MTHFD2L: variants seen among roughly 807,000 people sequenced by gnomAD.
MTHFD2L encodes the protein methylenetetrahydrofolate dehydrogenase (NADP+ dependent) 2 like.
MTHFD2L carries 29 observed loss-of-function variants against 34.9 expected under a neutral mutation model. The observed-to-expected ratio is 0.83, with a 90% CI of 0.62 to 1.13. MTHFD2L has a LOEUF of 1.13. MTHFD2L is among the 50% of genes most tolerant of loss of function. MTHFD2L has a pLI of 0.00. For synonymous variants in MTHFD2L, 167 were observed against 155.7 expected, an observed-to-expected ratio of 1.07 and a Z score of -0.54; for missense variants, 481 against 446.5, an observed-to-expected ratio of 1.08 and a Z score of -0.70.
At chr4:74,121,520 T>C (rs1330186412), upstream of MTHFD2L, among the ~76,000 whole-genome samples, 2 of 150,152 alleles carry the variant, frequency 1.3e-5, no homozygotes, top group Non-Finnish European at 2.9e-5. Flanking sequence ...CACATGGGAC[T>C]ATCTAGTTGC....
At chr4:74,195,013 G>A (rs755152460) in intron 3 of MTHFD2L, 10 of 152,200 alleles carry the variant, frequency 6.6e-5, no homozygotes, top group Non-Finnish European at 1.5e-4. Context: ...TGAGAATGTG[G>A]TATTTAAGAA....
intron 6 of MTHFD2L, chr4:74,266,940 G>A: frequency 1.0e-6 from 1 of 985,320 alleles, no homozygotes. Flanking sequence ...CTTTCAGGAG[G>A]TACATCTTTA....
At chr4:74,163,859 C>T (rs867070557) in intron 1 of MTHFD2L, among the ~76,000 whole-genome samples, 3 of 151,932 alleles carry the variant, frequency 2.0e-5, no homozygotes, top group Non-Finnish European at 2.9e-5. Flanking sequence ...TAGGATTTTT[C>T]GTCTTTTTTT....
At position 74,185,898 on chromosome 4, in the gene MTHFD2L, C is replaced by G. The variant is rs117890496; in HGVS notation, c.451+10495C>G. ...TAACACATTTGAAGCCAGCATTACT[C>G]TGTTACTAAAAACCTTGCAAAGACA... On this transcript the variant is annotated intron_variant, in intron 3 of 7. Transcript: ENST00000325278. Among the ~76,000 whole-genome samples, 488 of 152,240 alleles carry G rather than the reference C, an allele frequency of 3.2e-3. 9 individuals are homozygous for G. Among genetic ancestry groups the G allele is most frequent in the East Asian group, 0.028 (147 of 5,188 alleles).
At chr4:74,145,906 C>T (rs1049120109) in intron 1 of MTHFD2L, among the ~76,000 whole-genome samples, 2 of 152,090 alleles carry the variant, frequency 1.3e-5, no homozygotes, top group Non-Finnish European at 2.9e-5. Flanking sequence ...TGAGGCCTCC[C>T]GAGAAGTCGA....
intron 6 of MTHFD2L, among the ~76,000 whole-genome samples, chr4:74,273,820 T>C (rs1746287883): frequency 6.6e-6 from 1 of 152,146 alleles, no homozygotes; most frequent in Non-Finnish European, 1.5e-5. Flanking sequence ...CATGGCCTGA[T>C]GGCTGGGCCT....
At chr4:74,276,438 G>A (rs1359508845) in intron 6 of MTHFD2L, among the ~76,000 whole-genome samples, 2 of 152,016 alleles carry the variant, frequency 1.3e-5, no homozygotes, top group African/African-American at 4.8e-5. Flanking sequence ...TAAAAATTAA[G>A]GATTGGTTCT....
At chr4:74,245,750 A>C (rs1666554697) in intron 6 of MTHFD2L, among the ~76,000 whole-genome samples, 1 of 151,950 alleles carries the variant, frequency 6.6e-6, no homozygotes, top group Non-Finnish European at 1.5e-5. Context: ...TCCTTGTGAT[A>C]GTTTACTGAG....
At chr4:74,185,257 A>G (rs940496203) in intron 3 of MTHFD2L, among the ~76,000 whole-genome samples, 3 of 151,876 alleles carry the variant, frequency 2.0e-5, no homozygotes, top group Non-Finnish European at 2.9e-5. Context: ...AAAATGAAAG[A>G]GAAATTTGAA....
At chr4:74,249,896 T>C (rs10017417) in intron 6 of MTHFD2L, among the ~76,000 whole-genome samples, 42,458 of 152,014 alleles carry the variant, frequency 0.28, 6,589 homozygotes, top group African/African-American at 0.42. Context: ...CGACCTTTCT[T>C]TCTGGCTGCC....
At chr4:74,117,914 T>C (rs1259649689) in intron 2 of MTHFD2L, among the ~76,000 whole-genome samples, 2 of 152,192 alleles carry the variant, frequency 1.3e-5, no homozygotes, top group Non-Finnish European at 2.9e-5. Context: ...TACTTATCGA[T>C]GATATAATAC....
chr4:74,136,287 T>C (rs531081350), intron 1 of MTHFD2L, among the ~76,000 whole-genome samples: 10 of 152,212 alleles, frequency 6.6e-5, no homozygotes, highest in Admixed American at 2.0e-4. Context: ...AGTTGTAGGA[T>C]ACAAAATCAA....
intron 1 of MTHFD2L, among the ~76,000 whole-genome samples, chr4:74,131,629 C>T (rs1434818665): frequency 6.6e-6 from 1 of 152,010 alleles, no homozygotes; most frequent in Non-Finnish European, 1.5e-5. Context: ...CTATAAATGC[C>T]CAAGAAGAAA....
intron 3 of MTHFD2L, among the ~76,000 whole-genome samples, chr4:74,182,205 T>G (rs1730319641): frequency 6.6e-6 from 1 of 152,222 alleles, no homozygotes; most frequent in Non-Finnish European, 1.5e-5. Flanking sequence ...GCAGTAAACA[T>G]TATAACCCTG....
At chr4:74,243,055 G>C (rs1741937536) in intron 6 of MTHFD2L, among the ~76,000 whole-genome samples, 1 of 152,198 alleles carries the variant, frequency 6.6e-6, no homozygotes, top group Non-Finnish European at 1.5e-5. Flanking sequence ...ATGAGAGAGA[G>C]AGGTGCAGGA....
intron 3 of MTHFD2L, among the ~76,000 whole-genome samples, chr4:74,185,477 A>G (rs1470257206): frequency 2.0e-5 from 3 of 152,136 alleles, no homozygotes; most frequent in South Asian, 2.1e-4. Flanking sequence ...ATAATAAAGA[A>G]CAGAGTAGAA....
In MTHFD2L at chr4:74,302,552, G is replaced by A. The variant is rs185531107; in HGVS notation, c.*743G>A. The A allele has an allele frequency of 3.3e-5, 5 of 152,144 alleles. No individual in the cohort carries two copies. Among genetic ancestry groups the A allele is most frequent in the African/African-American group, 1.2e-4 (5 of 41,534 alleles). 9.4% of individuals were successfully genotyped at this position (152,144 alleles called of 1,614,324 possible). On this transcript the variant is annotated 3_prime_UTR_variant, in exon 8 of 8. Coordinates refer to ENST00000325278, the MANE Select transcript of MTHFD2L (RefSeq NM_001144978.3). Reference sequence around the variant, plus strand: ...CATGAAGAATGTGTTAGGTTTAAACGTCGTTTCTTTCTTCTAAAAAATATT... The same window carrying A: ...CATGAAGAATGTGTTAGGTTTAAACATCGTTTCTTTCTTCTAAAAAATATT...
At chr4:74,237,788 A>G (rs1336137444) in intron 6 of MTHFD2L, among the ~76,000 whole-genome samples, 1 of 152,200 alleles carries the variant, frequency 6.6e-6, no homozygotes. Context: ...ATGGCATTGC[A>G]TCAGCACCAC....
chr4:74,291,003 C>CTTTTCTTTTTTTTTTTTTT (rs1748852727), intron 7 of MTHFD2L, among the ~76,000 whole-genome samples: 1 of 29,272 alleles, frequency 3.4e-5, no homozygotes, highest in Admixed American at 7.0e-4. Context: ...TTTTCCTTTT[C>CTTTTCTTTTTTTTTTTTTT]TTTTTTTTTT....
Sources: allele counts gnomAD v4.1 joint callset (sites outside exome capture counted in the v4.1 genomes callset), GRCh38; gene constraint gnomAD v4.1.1; transcripts MANE v1.5; gene names NCBI Gene and HGNC (gene_info 2026-07-23, HGNC 2026-07-21).